NTF4: variants seen among roughly 807,000 people sequenced by gnomAD.
NTF4 encodes neurotrophin 4.
NTF4 carries 2 observed loss-of-function variants against 4.4 expected under a neutral mutation model. That is an observed-to-expected ratio of 0.46 (90% CI 0.19 to 1.44). NTF4 has a LOEUF of 1.44. Among genes scored for constraint, NTF4 ranks in the 40% most tolerant of loss-of-function variants. NTF4 has a pLI of 0.26. For missense variants in NTF4, 260 were observed against 293.0 expected (o/e 0.89, Z 0.82); for synonymous variants, 127 against 122.0 (o/e 1.04, Z -0.27).
upstream of NTF4, chr19:49,064,078 G>C (rs1383792042): frequency 6.5e-6 from 1 of 152,788 alleles, no homozygotes; most frequent in Non-Finnish European, 1.5e-5. Flanking sequence ...GGAAGGGAGA[G>C]GCAGTGGATG....
Position 49,061,575 on chromosome 19 carries a change from G to T in NTF4, c.423C>A (p.Cys141Ter). The change falls in exon 1 of 1, where the codon TGC (cysteine) becomes TGA (stop). Residue 141 changes from cysteine to a stop codon, truncating the protein, a stop_gained. Transcript: ENST00000593537. LOFTEE classifies it low-confidence loss of function (END_TRUNC). The surrounding 1 kb of genome is among the most constrained non-coding windows in gnomAD (Gnocchi z 4.9). ...CACCTTCCTCAGCGTTATCAGCCTT[G>T]CAGCGGGTTTCAAAGAAGTACTGGC... 6.2e-7 allele frequency: 1 copy of T among 1,614,164 alleles called. No homozygotes were observed. Among genetic ancestry groups the T allele is most frequent in the Non-Finnish European group, 8.5e-7 (1 of 1,180,042 alleles).
chr19:49,059,574 G>A (rs1250424110), downstream of NTF4, among the ~76,000 whole-genome samples: 4 of 152,140 alleles, frequency 2.6e-5, no homozygotes, highest in African/African-American at 7.2e-5. Context: ...AGGCAGCCAC[G>A]CCCCACCCTG....
At chr19:49,059,812 C>G (rs2040111387), downstream of NTF4, among the ~76,000 whole-genome samples, 1 of 152,028 alleles carries the variant, frequency 6.6e-6, no homozygotes, top group African/African-American at 2.4e-5. Context: ...CTTTGGGAGG[C>G]CGAGGCATGC....
At chr19:49,064,783 C>T (rs1006283558), upstream of NTF4, 15 of 152,380 alleles carry the variant, frequency 9.8e-5, no homozygotes, top group African/African-American at 3.4e-4. Context: ...GGGTTCCGGA[C>T]TCCGAGACCC....
chr19:49,059,814 G>C (rs184741580), downstream of NTF4, among the ~76,000 whole-genome samples: 2 of 151,998 alleles, frequency 1.3e-5, no homozygotes, highest in African/African-American at 4.8e-5. Flanking sequence ...TTGGGAGGCC[G>C]AGGCATGCGG....
chr19:49,059,965 A>G (rs1303268406), downstream of NTF4, among the ~76,000 whole-genome samples: 2 of 131,558 alleles, frequency 1.5e-5, no homozygotes, highest in Non-Finnish European at 3.1e-5. Flanking sequence ...TCAACCCGGG[A>G]GGTGAAGGCT....
At chr19:49,060,036 C>CAAAAACAA (rs2040113801), downstream of NTF4, among the ~76,000 whole-genome samples, 1 of 28,420 alleles carries the variant, frequency 3.5e-5, no homozygotes, top group African/African-American at 1.7e-4. Context: ...GACTCCATCT[C>CAAAAACAA]AAAAAAAAAA....
upstream of NTF4, chr19:49,064,069 G>A (rs2040186244): frequency 2.0e-5 from 3 of 153,082 alleles, no homozygotes; most frequent in South Asian, 4.1e-4. Flanking sequence ...GAGAATAGGG[G>A]AAGGGAGAGG....
chr19:49,061,964 G>A lies in NTF4; in HGVS notation c.34C>T (p.Leu12Phe), dbSNP rs1228348792. 4 of 1,494,188 alleles carry A rather than the reference G, an allele frequency of 2.7e-6. No homozygotes were observed. The highest frequency in any genetic ancestry group is 3.6e-6 in the Non-Finnish European group (4 of 1,111,104). 92.6% of individuals were successfully genotyped at this position (1,494,188 alleles called of 1,614,324 possible). ...ACACTGGGGAGGAGGAAAAGGAGGA[G>A]GATGGGGAGGGAGCATGAGGGGAGA... The change falls in exon 1 of 1, where the codon CTC becomes TTC. Residue 12 changes from leucine to phenylalanine, a missense_variant. Leu to Phe is a conservative substitution (Grantham distance 22). Transcript: ENST00000593537. The surrounding 1 kb of genome is among the most constrained non-coding windows in gnomAD (Gnocchi z 4.9).
Position 49,061,470 on chromosome 19 carries a change from A to G in NTF4, c.528T>C (p.Tyr176=). The G allele has an allele frequency of 6.2e-7, 1 of 1,614,024 alleles. No individual in the cohort carries two copies. The highest frequency in any genetic ancestry group is 8.5e-7 in the Non-Finnish European group (1 of 1,179,914). The change falls in exon 1 of 1, where the codon TAT becomes TAC. Residue 176 remains tyrosine, a synonymous_variant. Transcript: ENST00000593537. This position sits in a 1 kb window ranked among gnomAD's most constrained non-coding sequence, Gnocchi z 4.9. Reference sequence around the variant, plus strand: ...GGGCATCAGCGGTCAATGCCCGCACATAGGACTGCTTGGCCTTGCACTCAG... The same window carrying G: ...GGGCATCAGCGGTCAATGCCCGCACGTAGGACTGCTTGGCCTTGCACTCAG...
rs115969617 is a variant in NTF4 at position 49,061,255 on chromosome 19, T to C, written c.*110A>G. 6,213 of 1,543,994 alleles carry C rather than the reference T, an allele frequency of 4.0e-3. 195 individuals carry two copies. The African/African-American group carries it at 0.07, about 17-fold the overall frequency. The stretch of plus-strand genomic sequence containing the variant: ...AGAGATTGAGCTCAAAATCAGAGAA[T>C]TGTGATTTTGTGATTATTTGATGAG... On this transcript the variant is annotated 3_prime_UTR_variant, in exon 1 of 1. Coordinates refer to ENST00000593537, the Ensembl canonical transcript of NTF4. The surrounding 1 kb of genome is among the most constrained non-coding windows in gnomAD (Gnocchi z 4.9).
At chr19:49,063,597 C>T (rs1176956542), upstream of NTF4, 1 of 152,186 alleles carries the variant, frequency 6.6e-6, no homozygotes, top group African/African-American at 2.4e-5. Flanking sequence ...GCTTCAGTTT[C>T]CCTGTGTGTG....
At chr19:49,063,999 C>G (rs2040185169), upstream of NTF4, 1 of 152,932 alleles carries the variant, frequency 6.5e-6, no homozygotes, top group African/African-American at 2.4e-5. Flanking sequence ...CCAGAGGCCC[C>G]TTTTCTACCC....
upstream of NTF4, chr19:49,063,883 A>C (rs991476415): frequency 6.6e-6 from 1 of 152,116 alleles, no homozygotes; most frequent in African/African-American, 2.4e-5. Flanking sequence ...AAAAGAATAG[A>C]CAGGTTATAG....
chr19:49,063,959 G>A (rs2040184527), upstream of NTF4: 1 of 152,372 alleles, frequency 6.6e-6, no homozygotes, highest in African/African-American at 2.4e-5. Context: ...CAAGTGCAGG[G>A]TACCCAAGAG....
At chr19:49,060,689 G>C (rs1391929703), downstream of NTF4, 1 of 152,472 alleles carries the variant, frequency 6.6e-6, no homozygotes, top group African/African-American at 2.4e-5. Context: ...AGTAAAGGTT[G>C]GGACAGGGAA....
chr19:49,063,741 G>A (rs1198420190), upstream of NTF4: 1 of 152,208 alleles, frequency 6.6e-6, no homozygotes, highest in African/African-American at 2.4e-5. Context: ...TACCAGACCT[G>A]TCAGCACCTC....
At chr19:49,064,624 GC>G (rs1568410050), upstream of NTF4, 1 of 150,728 alleles carries the variant, frequency 6.6e-6, no homozygotes. Context: ...AGGAGTCCAT[GC>G]CCCCAGCGCC....
upstream of NTF4, chr19:49,062,050 T>G: frequency 1.4e-6 from 2 of 1,421,922 alleles, no homozygotes; most frequent in Middle Eastern, 2.3e-4. Context: ...GAGAAGGGGG[T>G]AAAAACTTCA....
Sources: allele counts gnomAD v4.1 joint callset (sites outside exome capture counted in the v4.1 genomes callset), GRCh38; gene constraint gnomAD v4.1.1; non-coding constraint Gnocchi (gnomAD v3.1); transcripts MANE v1.5; gene names NCBI Gene and HGNC (gene_info 2026-07-23, HGNC 2026-07-21).